Variants in DNM1L observed in about 807,000 individuals in gnomAD.
DNM1L encodes dynamin 1L.
In DNM1L, 33 loss-of-function variants were observed where a neutral mutation model predicts 92.8. That is an observed-to-expected ratio of 0.36 (90% CI 0.27 to 0.48). The LOEUF (loss-of-function observed/expected upper bound fraction) is 0.48. DNM1L is among the 20% of genes least tolerant of loss of function. The probability of loss-of-function intolerance (pLI) is 0.99; values close to 1 mark genes in which losing one functional copy is unlikely to be tolerated. For synonymous variants in DNM1L, 284 were observed against 305.0 expected, an observed-to-expected ratio of 0.93 and a Z score of 0.72; for missense variants, 485 against 888.8, an observed-to-expected ratio of 0.55 and a Z score of 5.78.
At chr12:32,690,769 A>G (rs1382787130) in intron 1 of DNM1L, among the ~76,000 whole-genome samples, 2 of 152,208 alleles carry the variant, frequency 1.3e-5, no homozygotes, top group African/African-American at 4.8e-5. Flanking sequence ...AATGTTAGCC[A>G]TTACTACTGA....
intron 6 of DNM1L, among the ~76,000 whole-genome samples, chr12:32,714,564 G>T (rs1035257239): frequency 1.3e-5 from 2 of 151,882 alleles, no homozygotes; most frequent in Non-Finnish European, 2.9e-5. Flanking sequence ...GAGCCACCGT[G>T]CTTGGCCCCA....
intron 9 of DNM1L, chr12:32,725,371 A>G (rs796248331): frequency 2.0e-5 from 3 of 152,366 alleles, no homozygotes; most frequent in African/African-American, 7.2e-5. Flanking sequence ...AGACCCTACC[A>G]CAAAGAAAAG....
At chr12:32,733,664 A>G in intron 12 of DNM1L, 51 bp from the exon 13 acceptor site, 2 of 1,480,040 alleles carry the variant, frequency 1.4e-6, no homozygotes, top group Non-Finnish European at 1.9e-6. Context: ...TTCTCAAAGT[A>G]AAATATGGTT....
chr12:32,717,791 T>C (rs1429192956), intron 6 of DNM1L, among the ~76,000 whole-genome samples: 1 of 119,986 alleles, frequency 8.3e-6, no homozygotes, highest in Non-Finnish European at 1.6e-5. Flanking sequence ...TAGATATATA[T>C]ATTTGTAACT....
rs1565553608 is a variant in DNM1L, at chr12:32,745,126, C to T, written c.*1716C>T. ...ATATGGTACTACTTTGAATCTGTTA[C>T]TAGTACCATCTTGACAGAGGATACA... is the stretch of plus-strand genomic sequence containing the variant. On this transcript the variant is annotated 3_prime_UTR_variant, in exon 20 of 20. Transcript: ENST00000549701. 2 of 416,204 alleles carry T rather than the reference C, an allele frequency of 4.8e-6. No individual in the cohort carries two copies. Among genetic ancestry groups the T allele is most frequent in the Non-Finnish European group, 4.6e-6 (1 of 215,376 alleles). The allele number at this position is 416,204 out of a possible 1,614,324, so 25.8% of individuals were successfully genotyped here.
chr12:32,740,722 G>A (rs1404266865), intron 18 of DNM1L, among the ~76,000 whole-genome samples: 1 of 152,122 alleles, frequency 6.6e-6, no homozygotes, highest in Admixed American at 6.5e-5. Flanking sequence ...GCTAGAAAAA[G>A]CTATTAAAAA....
chr12:32,736,908 G>GAA, intron 13 of DNM1L, 197 bp from the exon 14 acceptor site: 26 of 521,134 alleles, frequency 5.0e-5, no homozygotes, highest in Middle Eastern at 5.3e-4. Flanking sequence ...TGTGTGGGCA[G>GAA]AAAAAAAAAA....
chr12:32,698,662 T>C (rs1952568203), intron 1 of DNM1L, among the ~76,000 whole-genome samples: 1 of 151,862 alleles, frequency 6.6e-6, no homozygotes, highest in Admixed American at 6.6e-5. Flanking sequence ...AAGTTTTGAC[T>C]AAGAAAAAAA....
chr12:32,692,899 C>A (rs1952288298), intron 1 of DNM1L: 2 of 146,926 alleles, frequency 1.4e-5, no homozygotes, highest in East Asian at 1.9e-4. Context: ...ACATATAATC[C>A]CAGTTTGTTC....
intron 13 of DNM1L, among the ~76,000 whole-genome samples, chr12:32,734,195 A>C (rs1456997404): frequency 6.6e-6 from 1 of 152,214 alleles, no homozygotes; most frequent in Non-Finnish European, 1.5e-5. Context: ...TTGGAAAAGC[A>C]GAGTGCTTTT....
intron 1 of DNM1L, among the ~76,000 whole-genome samples, chr12:32,686,989 C>CA (rs1214257859): frequency 8.4e-5 from 12 of 143,172 alleles, no homozygotes; most frequent in African/African-American, 3.2e-4. Flanking sequence ...CCCAGGTGGC[C>CA]AGGCTGGTCT....
At chr12:32,706,022 T>C in intron 2 of DNM1L, 1 of 582,964 alleles carries the variant, frequency 1.7e-6, no homozygotes, top group Non-Finnish European at 2.8e-6. Context: ...TTTTTTGGCA[T>C]TGCATCAAAA....
At chr12:32,704,860 T>TCTTAGCTAATGGGG (rs1952858526) in intron 2 of DNM1L, among the ~76,000 whole-genome samples, 1 of 152,188 alleles carries the variant, frequency 6.6e-6, no homozygotes, top group Non-Finnish European at 1.5e-5. Context: ...TATAGTCCAG[T>TCTTAGCTAATGGGG]CTTAGCTAAT....
In DNM1L at chr12:32,736,879, G is replaced by A. The variant is rs1371176444; in HGVS notation, c.1540-226G>A. The A allele has an allele frequency of 7.7e-6, 4 of 519,864 alleles. No individual in the cohort carries two copies. In the African/African-American group the frequency reaches 7.7e-5, roughly 10 times the overall value. The allele number at this position is 519,864 out of a possible 1,614,324, so 32.2% of individuals were successfully genotyped here. A position where few individuals can be genotyped will look rare whatever the true frequency, so the allele number is the denominator to read the frequency against. On this transcript the variant is annotated intron_variant, in intron 13 of 19. Coordinates refer to ENST00000549701, the MANE Select transcript of DNM1L (RefSeq NM_012062.5). The stretch of plus-strand genomic sequence containing the variant: ...GTACAGGGAGCCACTGTTACTGACA[G>A]TGTATTGTATCCTTCAGGTGTGTGG...
rs190574893 is a variant in DNM1L, at chr12:32,744,748, C to A, written c.*1338C>A. 23 of 399,640 alleles carry A rather than the reference C, an allele frequency of 5.8e-5. No individual in the cohort carries two copies. Among genetic ancestry groups the A allele is most frequent in the African/African-American group, 4.7e-4 (22 of 46,958 alleles). 24.8% of individuals were successfully genotyped at this position (399,640 alleles called of 1,614,324 possible). Reference sequence around the variant, plus strand: ...AAATAAAACAACACCCAGATAGATACACATACTCCTTCAGACTTACAGACC... The same window carrying A: ...AAATAAAACAACACCCAGATAGATAAACATACTCCTTCAGACTTACAGACC... On this transcript the variant is annotated 3_prime_UTR_variant, in exon 20 of 20. Coordinates refer to ENST00000549701, the MANE Select transcript of DNM1L (RefSeq NM_012062.5).
At position 32,744,481 on chromosome 12, in the gene DNM1L, A is replaced by AG. The variant is rs1955518269; in HGVS notation, c.*1073dup. 1 of 171,140 alleles carries AG rather than the reference A, an allele frequency of 5.8e-6. No homozygotes were observed. 10.6% of individuals were successfully genotyped at this position (171,140 alleles called of 1,614,324 possible). Reference sequence around the variant, plus strand: ...GTAATCCCAGCACTTTGGGAGGCCGAGGCAGGTGGATCACCTGAGGTTGGG... The same window carrying AG: ...GTAATCCCAGCACTTTGGGAGGCCGAGGGCAGGTGGATCACCTGAGGTTGGG... On this transcript the variant is annotated 3_prime_UTR_variant, in exon 20 of 20. Coordinates refer to ENST00000549701, the MANE Select transcript of DNM1L (RefSeq NM_012062.5).
At chr12:32,718,022 TTATAAA>T (rs1953610359) in intron 6 of DNM1L, among the ~76,000 whole-genome samples, 1 of 124,106 alleles carries the variant, frequency 8.1e-6, no homozygotes, top group Non-Finnish European at 1.6e-5. Flanking sequence ...AGTATATATA[TTATAAA>T]TATATACTAT....
chr12:32,686,943 T>TC (rs1244037106), intron 1 of DNM1L, among the ~76,000 whole-genome samples: 1 of 136,934 alleles, frequency 7.3e-6, no homozygotes, highest in South Asian at 2.3e-4. Flanking sequence ...TTTTCTTTTT[T>TC]TTTTTTTTTT....
intron 9 of DNM1L, chr12:32,727,151 T>C (rs1013164228): frequency 3.8e-6 from 3 of 786,632 alleles, no homozygotes; most frequent in Non-Finnish European, 6.9e-6. Flanking sequence ...CTTCTTCATC[T>C]GGTTTCCATT....
Sources: allele counts gnomAD v4.1 joint callset (sites outside exome capture counted in the v4.1 genomes callset), GRCh38; gene constraint gnomAD v4.1.1; transcripts MANE v1.5; gene names NCBI Gene and HGNC (gene_info 2026-07-23, HGNC 2026-07-21).